Variants in PHLPP2 observed in about 807,000 individuals in gnomAD.
The protein encoded by PHLPP2 is PH domain leucine-rich repeat-containing protein phosphatase 2.
A neutral mutation model predicts 124.9 loss-of-function variants in PHLPP2; 66 were observed. That is an observed-to-expected ratio of 0.53 (90% CI 0.43 to 0.65). The LOEUF (loss-of-function observed/expected upper bound fraction) is 0.65, where lower values mean the gene tolerates loss of function less well. PHLPP2 is among the 30% of genes least tolerant of loss of function. PHLPP2 has a pLI of 0.00. For missense variants in PHLPP2, 1,685 were observed against 1,600.4 expected (o/e 1.05, Z -0.90); for synonymous variants, 681 against 624.7 (o/e 1.09, Z -1.34).
Position 71,658,751 on chromosome 16 carries a change from G to A in PHLPP2, c.2050C>T (p.Pro684Ser). 6.2e-7 allele frequency: 1 copy of A among 1,614,066 alleles called. No individual in the cohort carries two copies. ...CTTTTACAGTTTGCTATGGTTGTGG[G>A]AATGGTTTTAAGCTTGTTGCCACTT... ...NLSGNKLKTI[P>S]TTIANCKRLH... Residue 684 changes from proline (P) to serine (S), a missense_variant, in exon 14 of 19, where the codon CCC (proline) becomes TCC (serine). Transcript: ENST00000568954.
chr16:71,697,361 G>A (rs191444532), intron 3 of PHLPP2, among the ~76,000 whole-genome samples: 6 of 152,074 alleles, frequency 3.9e-5, no homozygotes, highest in African/African-American at 9.6e-5. Context: ...TAGAAGTGGC[G>A]CACATCAAGT....
In PHLPP2 at chr16:71,649,316, T is replaced by G; in HGVS notation, c.3546A>C (p.Ser1182=). 1.2e-6 allele frequency: 2 copies of G among 1,613,256 alleles called. No individual in the cohort carries two copies. The highest frequency in any genetic ancestry group is 1.7e-6 in the Non-Finnish European group (2 of 1,179,536). Residue 1182 remains serine, a synonymous_variant, in exon 19 of 19, where the codon TCA becomes TCC. Coordinates refer to ENST00000568954, the MANE Select transcript of PHLPP2 (RefSeq NM_015020.3). ...TAGGAGAACTCTCTATGAGAGGGGG[T>G]GAGTTCTCCAGATCCCTCCCCCTGC... ...HCCRGRDLEN[S]PPLIESSPTL... is the part of the protein sequence containing the mutation.
At position 71,652,798 on chromosome 16, in the gene PHLPP2, TGATGGCTTTTTG is replaced by T; in HGVS notation, c.2797_2808del (p.Gln933_Ile936del). The stretch of plus-strand genomic sequence containing the variant: ...CGGGGAGCGGAACACACCTCTGTGA[TGATGGCTTTTTG>T]GTCCTTCACCCTTTGAGCCTCCTCT... On this transcript the variant is annotated inframe_deletion, in exon 18 of 19. Coordinates refer to ENST00000568954, the MANE Select transcript of PHLPP2 (RefSeq NM_015020.3). 1 of 1,613,008 alleles carries T rather than the reference TGATGGCTTTTTG, an allele frequency of 6.2e-7. No homozygotes were observed. Among genetic ancestry groups the T allele is most frequent in the Non-Finnish European group, 8.5e-7 (1 of 1,178,970 alleles).
At chr16:71,693,631 G>A (rs749152721) in intron 3 of PHLPP2, among the ~76,000 whole-genome samples, 110 of 152,232 alleles carry the variant, frequency 7.2e-4, no homozygotes, top group Middle Eastern at 6.8e-3. Context: ...GCCAAATGAC[G>A]GCTAAACTCC....
chr16:71,705,521 C>CT (rs1285356497), intron 2 of PHLPP2, among the ~76,000 whole-genome samples: 3 of 151,266 alleles, frequency 2.0e-5, no homozygotes, highest in South Asian at 4.2e-4. Flanking sequence ...TTTTCTTTTT[C>CT]TTTTTTTTGA....
rs554409842 is a variant in PHLPP2, at chr16:71,718,660, G to A, written c.-6-3859C>T. ...GAGGGAGGATCACTTGAGGTCAGGG[G>A]TTCAAGACCAGCCTGGGCAACATAG... On this transcript the variant is annotated intron_variant, in intron 1 of 18. Coordinates refer to ENST00000568954, the MANE Select transcript of PHLPP2 (RefSeq NM_015020.3). Among the ~76,000 whole-genome samples, 206 of 151,144 alleles carry A rather than the reference G, an allele frequency of 1.4e-3. 2 individuals are homozygous for A. The highest frequency in any genetic ancestry group is 4.8e-3 in the African/African-American group (196 of 41,260).
At chr16:71,653,088 G>A (rs1295766862) in intron 17 of PHLPP2, 67 bp from the exon 18 acceptor site, 53 of 836,444 alleles carry the variant, frequency 6.3e-5, no homozygotes, top group Non-Finnish European at 9.2e-5. Flanking sequence ...GGTCCTGCAC[G>A]TACATCCCTT....
Position 71,702,741 on chromosome 16 carries a change from C to A in PHLPP2, c.285-10G>T. ...AGTAGGTTCCAGTCTCCTGATTACACAATTCAAAAAAATATATATATTTGG... is the reference window on the plus strand; with the variant it reads ...AGTAGGTTCCAGTCTCCTGATTACAAAATTCAAAAAAATATATATATTTGG... On this transcript the variant is annotated splice_polypyrimidine_tract_variant and intron_variant, in intron 2 of 18. Transcript: ENST00000568954. The A allele has an allele frequency of 1.3e-6, 2 of 1,555,056 alleles. No individual in the cohort carries two copies. The highest frequency in any genetic ancestry group is 1.4e-5 in the African/African-American group (1 of 72,964).
At chr16:71,694,323 T>C (rs994812310) in intron 3 of PHLPP2, among the ~76,000 whole-genome samples, 1 of 152,030 alleles carries the variant, frequency 6.6e-6, no homozygotes, top group Admixed American at 6.6e-5. Flanking sequence ...TAGCTGGGCA[T>C]GGTGGCAGAC....
rs2044671347 is a variant in PHLPP2 at position 71,648,795 on chromosome 16, GAACA to G, written c.*91_*94del. On this transcript the variant is annotated 3_prime_UTR_variant, in exon 19 of 19. Coordinates refer to ENST00000568954, the MANE Select transcript of PHLPP2 (RefSeq NM_015020.3). Reference sequence around the variant, plus strand: ...CAAAACAAACAAACAAAAAAAAAACGAACAAACAAAAAGAAATGTAGAGGCAGAA... The same window carrying G: ...CAAAACAAACAAACAAAAAAAAAACGAACAAAAAGAAATGTAGAGGCAGAA... The G allele has an allele frequency of 4.4e-6, 4 of 910,458 alleles. No individual in the cohort carries two copies. Among genetic ancestry groups the G allele is most frequent in the South Asian group, 3.2e-5 (2 of 62,038 alleles). 56.4% of individuals were successfully genotyped at this position (910,458 alleles called of 1,614,324 possible).
At chr16:71,663,160 G>A (rs2044807722) in intron 13 of PHLPP2, among the ~76,000 whole-genome samples, 1 of 152,214 alleles carries the variant, frequency 6.6e-6, no homozygotes, top group African/African-American at 2.4e-5. Flanking sequence ...CGCCCAGGCT[G>A]GAGTGCAGTG....
intron 13 of PHLPP2, among the ~76,000 whole-genome samples, chr16:71,662,852 A>T (rs1414971752): frequency 7.1e-6 from 1 of 140,608 alleles, no homozygotes; most frequent in Non-Finnish European, 1.5e-5. Flanking sequence ...ATGAGATCCC[A>T]TCTCTTAAAA....
intron 1 of PHLPP2, chr16:71,723,654 C>T: frequency 4.4e-6 from 2 of 453,882 alleles, no homozygotes; most frequent in South Asian, 5.6e-5. Flanking sequence ...CCGCCGACTG[C>T]CTCAGCCACT....
In PHLPP2 at chr16:71,690,542, T is replaced by C. The variant is rs751556384; in HGVS notation, c.586A>G (p.Ile196Val). 10 of 1,609,456 alleles carry C rather than the reference T, an allele frequency of 6.2e-6. No individual in the cohort carries two copies. Among genetic ancestry groups the C allele is most frequent in the Admixed American group, 1.7e-5 (1 of 59,104 alleles). The change falls in exon 4 of 19, where the codon ATT (isoleucine) becomes GTT (valine). Residue 196 changes from isoleucine to valine, a missense_variant. Physicochemically the swap from Ile to Val is conservative, Grantham distance 29. Coordinates refer to ENST00000568954, the MANE Select transcript of PHLPP2 (RefSeq NM_015020.3). ...ACCTTTCCACCAACCAGAGGCAAAATGTGCATCTTTCCAGTTTGACAATCC... is the reference window on the plus strand; with the variant it reads ...ACCTTTCCACCAACCAGAGGCAAAACGTGCATCTTTCCAGTTTGACAATCC... ...VKDCQTGKMH[I>V]LPLVGGKIEE... is the part of the protein sequence containing the mutation.
chr16:71,658,744 G>C lies in PHLPP2; in HGVS notation c.2057C>G (p.Thr686Ser). Residue 686 changes from threonine to serine, a missense_variant, in exon 14 of 19, where the codon ACC (threonine) becomes AGC (serine). Coordinates refer to ENST00000568954, the MANE Select transcript of PHLPP2 (RefSeq NM_015020.3). ...GTGCAGCCTTTTACAGTTTGCTATG[G>C]TTGTGGGAATGGTTTTAAGCTTGTT... ...SGNKLKTIPTTIANCKRLHTL... is the reference protein window; with the variant it reads ...SGNKLKTIPTSIANCKRLHTL... The C allele has an allele frequency of 6.2e-7, 1 of 1,614,100 alleles. No individual in the cohort carries two copies. Among genetic ancestry groups the C allele is most frequent in the Non-Finnish European group, 8.5e-7 (1 of 1,179,996 alleles).
chr16:71,663,041 C>T (rs2044805808), intron 13 of PHLPP2, among the ~76,000 whole-genome samples: 1 of 152,190 alleles, frequency 6.6e-6, no homozygotes, highest in African/African-American at 2.4e-5. Context: ...CATCCCCAGG[C>T]TCTGTGCAGT....
intron 17 of PHLPP2, among the ~76,000 whole-genome samples, chr16:71,654,470 G>A (rs1185783231): frequency 6.6e-6 from 1 of 152,118 alleles, no homozygotes; most frequent in East Asian, 1.9e-4. Flanking sequence ...CTTTTCCTGG[G>A]CTAGTGACAT....
In PHLPP2 at chr16:71,678,910, G is replaced by C. The variant is rs917134473; in HGVS notation, c.1113C>G (p.Ser371=). The C allele has an allele frequency of 1.1e-5, 17 of 1,613,108 alleles. No individual in the cohort carries two copies. The highest frequency in any genetic ancestry group is 2.7e-5 in the African/African-American group (2 of 74,882). ...AGTTGTTGAAGGAAATTCCCAAGGA[G>C]GAAAGCTGTTGTAGATTTCCCAATT... is the stretch of plus-strand genomic sequence containing the variant. ...PEELGNLQQL[S]SLGISFNNFS... Residue 371 remains serine (S), a synonymous_variant, in exon 8 of 19, where the codon TCC becomes TCG. Coordinates refer to ENST00000568954, the MANE Select transcript of PHLPP2 (RefSeq NM_015020.3).
At chr16:71,708,644 C>G (rs190140971) in intron 2 of PHLPP2, among the ~76,000 whole-genome samples, 1 of 152,086 alleles carries the variant, frequency 6.6e-6, no homozygotes, top group Non-Finnish European at 1.5e-5. Flanking sequence ...AAATTAGCTG[C>G]GCCTGGTGTT....
Sources: allele counts gnomAD v4.1 joint callset (sites outside exome capture counted in the v4.1 genomes callset), GRCh38; gene constraint gnomAD v4.1.1; transcripts MANE v1.5; gene names NCBI Gene and HGNC (gene_info 2026-07-23, HGNC 2026-07-21).